MID2: variants seen among roughly 807,000 people sequenced by gnomAD.
The protein encoded by MID2 is probable E3 ubiquitin-protein ligase MID2.
A neutral mutation model predicts 46.1 loss-of-function variants in MID2; 13 were observed. The ratio of observed to expected loss-of-function variants is 0.28; its 90% CI spans 0.18 to 0.45. The LOEUF is 0.45. Among genes scored for constraint, MID2 ranks in the 20% least tolerant of loss-of-function variants. The pLI, the probability that MID2 is intolerant of heterozygous loss-of-function variation, is 1.00. For synonymous variants in MID2, 199 were observed against 212.3 expected (o/e 0.94, Z 0.55); for missense variants, 431 against 575.4 (o/e 0.75, Z 2.57).
chrX:107,836,335 C>T (rs747402576), intron 1 of MID2, among the ~76,000 whole-genome samples: 49 of 110,227 alleles, frequency 4.4e-4, no homozygotes, highest in Admixed American at 1.9e-4. Flanking sequence ...GCTCAAGCAA[C>T]CTCCGCCTCC....
intron 2 of MID2, among the ~76,000 whole-genome samples, chrX:107,843,499 C>G (rs1345942947): frequency 8.9e-6 from 1 of 111,878 alleles, no homozygotes; most frequent in East Asian, 2.8e-4. Context: ...GTTCCCCTTT[C>G]ATATTTTAGG....
intron 2 of MID2, among the ~76,000 whole-genome samples, chrX:107,849,580 A>C (rs2147831253): frequency 8.9e-6 from 1 of 112,143 alleles, no homozygotes; most frequent in Non-Finnish European, 1.9e-5. Context: ...CTCAGATGGC[A>C]AAACATTTTC....
At position 107,931,173 on chromosome X, in the gene MID2, C is replaced by T. The variant is rs1032920041; in HGVS notation, c.*4100C>T. ...TATATGACTACCAAGATGGAGCAAT[C>T]CACGGATGGACTTTTGAATAAACTC... On this transcript the variant is annotated 3_prime_UTR_variant, in exon 10 of 10. Transcript: ENST00000262843. Among the ~76,000 whole-genome samples the T allele has an allele frequency of 1.8e-5, 2 of 112,382 alleles. No individual in the cohort carries two copies. Among genetic ancestry groups the T allele is most frequent in the Non-Finnish European group, 3.8e-5 (2 of 53,262 alleles).
chrX:107,841,460 G>A (rs7878008), intron 2 of MID2, 75 bp downstream of exon 2: 12 of 790,128 alleles, frequency 1.5e-5, no homozygotes, highest in South Asian at 2.6e-5. Context: ...AATAAAATAG[G>A]TGACTTTTCC....
At chrX:107,871,097 T>G (rs1462857506) in intron 3 of MID2, among the ~76,000 whole-genome samples, 1 of 111,678 alleles carries the variant, frequency 9.0e-6, no homozygotes, top group African/African-American at 3.3e-5. Context: ...GGTTTAACTG[T>G]ATCCCGTATA....
intron 3 of MID2, among the ~76,000 whole-genome samples, chrX:107,887,637 A>G (rs1011864144): frequency 8.9e-5 from 10 of 111,870 alleles, no homozygotes; most frequent in Non-Finnish European, 1.9e-4. Flanking sequence ...TGCTGGCCTC[A>G]TAAAATGAGT....
intron 1 of MID2, among the ~76,000 whole-genome samples, chrX:107,827,104 GAATT>G (rs1411701278): frequency 8.9e-6 from 1 of 112,657 alleles, no homozygotes; most frequent in African/African-American, 3.2e-5. Context: ...TGCCTTGTAA[GAATT>G]AAGTAAATAA....
chrX:107,863,583 CA>C (rs1479433045), intron 3 of MID2, among the ~76,000 whole-genome samples: 1 of 112,348 alleles, frequency 8.9e-6, no homozygotes, highest in Non-Finnish European at 1.9e-5. Flanking sequence ...ACAATCCACC[CA>C]AATTCCCCAT....
Position 107,825,949 on chromosome X carries a change from G to T in MID2, c.-478G>T. On this transcript the variant is annotated 5_prime_UTR_variant, in exon 1 of 10. Transcript: ENST00000262843. ...GGGAGTGGCGGGGGCGGCGGAAGGT[G>T]AGCCTGGGAAGGTGGCCGAGCACCC... The T allele has an allele frequency of 3.8e-6, 1 of 265,790 alleles. No homozygotes were observed. The highest frequency in any genetic ancestry group is 6.7e-6 in the Non-Finnish European group (1 of 150,014). 21.9% of individuals were successfully genotyped at this position (265,790 alleles called of 1,213,427 possible).
intron 1 of MID2, among the ~76,000 whole-genome samples, chrX:107,835,161 T>G (rs1424975893): frequency 8.9e-6 from 1 of 112,301 alleles, no homozygotes; most frequent in Non-Finnish European, 1.9e-5. Flanking sequence ...TGGCTTCTTT[T>G]ACTTACTGTT....
In MID2 at chrX:107,826,252, G is replaced by C; in HGVS notation, c.-175G>C. 1 of 433,461 alleles carries C rather than the reference G, an allele frequency of 2.3e-6. No individual in the cohort carries two copies. Among genetic ancestry groups the C allele is most frequent in the Non-Finnish European group, 3.3e-6 (1 of 302,570 alleles). The allele number at this position is 433,461 out of a possible 1,213,427, so 35.7% of individuals were successfully genotyped here. A position where few individuals can be genotyped will look rare whatever the true frequency, so the allele number is the denominator to read the frequency against. On this transcript the variant is annotated 5_prime_UTR_variant, in exon 1 of 10. Coordinates refer to ENST00000262843, the MANE Select transcript of MID2 (RefSeq NM_012216.4). ...CGGATCCCGGCTGCTGCGCGGCGTC[G>C]GCGACGGTAGCGGCAGCGGCGGCGA...
At position 107,905,668 on chromosome X, in the gene MID2, A is replaced by G. The variant is rs777980548; in HGVS notation, c.1073+42A>G. On this transcript the variant is annotated intron_variant, in intron 5 of 9. Transcript: ENST00000262843. ...CTTTGGAAATGCCTGCTCTTGTGAA[A>G]AGAGGCCAATTTAAAGTCACTTAAA... is the stretch of plus-strand genomic sequence containing the variant. 2.7e-6 allele frequency: 3 copies of G among 1,093,096 alleles called. No homozygotes were observed. The South Asian group carries it at 7.3e-5, about 26-fold the overall frequency. The allele number at this position is 1,093,096 out of a possible 1,213,427, so 90.1% of individuals were successfully genotyped here.
intron 3 of MID2, among the ~76,000 whole-genome samples, chrX:107,888,914 T>C (rs1416152700): frequency 1.8e-5 from 2 of 111,539 alleles, no homozygotes; most frequent in Non-Finnish European, 3.8e-5. Context: ...TGGTTTAAAG[T>C]CTGTTTTATC....
chrX:107,904,685 T>A (rs1181770394), intron 4 of MID2, among the ~76,000 whole-genome samples: 1 of 111,873 alleles, frequency 8.9e-6, no homozygotes, highest in Admixed American at 9.5e-5. Context: ...ATTGAACTTT[T>A]AAATATAAAA....
intron 3 of MID2, among the ~76,000 whole-genome samples, chrX:107,889,490 G>A (rs1211931093): frequency 2.7e-5 from 3 of 111,767 alleles, no homozygotes; most frequent in East Asian, 2.8e-4. Flanking sequence ...CGAGAGATCC[G>A]CTGTTAGTCT....
At position 107,928,457 on chromosome X, in the gene MID2, T is replaced by C. The variant is rs778937315; in HGVS notation, c.*1384T>C. 4.5e-5 allele frequency among the ~76,000 whole-genome samples: 5 copies of C among 110,897 alleles called. No individual in the cohort carries two copies. The South Asian group carries it at 1.9e-3, about 43-fold the overall frequency. Reference sequence around the variant, plus strand: ...ATTGGGGATGTCAGAGAGCCAGAGCTTTCCCCTTTCCAGGAGCTAAGTTGG... The same window carrying C: ...ATTGGGGATGTCAGAGAGCCAGAGCCTTCCCCTTTCCAGGAGCTAAGTTGG... On this transcript the variant is annotated 3_prime_UTR_variant, in exon 10 of 10. Transcript: ENST00000262843.
chrX:107,897,902 C>A (rs141743917), intron 3 of MID2, among the ~76,000 whole-genome samples: 115 of 112,281 alleles, frequency 1.0e-3, no homozygotes, highest in African/African-American at 3.7e-3. Context: ...ATAATAATTT[C>A]TTGATAATTC....
intron 7 of MID2, among the ~76,000 whole-genome samples, chrX:107,923,244 C>T (rs757012455): frequency 8.9e-6 from 1 of 112,117 alleles, no homozygotes; most frequent in East Asian, 2.8e-4. Flanking sequence ...TTATATTCCT[C>T]GCCTTTCCCT....
intron 8 of MID2, among the ~76,000 whole-genome samples, chrX:107,925,830 G>A (rs1446515994): frequency 9.0e-6 from 1 of 110,731 alleles, no homozygotes; most frequent in African/African-American, 3.3e-5. Flanking sequence ...TTTTAGGAGA[G>A]ATCCACATTT....
Sources: allele counts gnomAD v4.1 joint callset (sites outside exome capture counted in the v4.1 genomes callset), GRCh38; gene constraint gnomAD v4.1.1; transcripts MANE v1.5; gene names NCBI Gene and HGNC (gene_info 2026-07-23, HGNC 2026-07-21).